LMCD1: variants seen among roughly 807,000 people sequenced by gnomAD.
LMCD1 encodes the protein LIM and cysteine-rich domains protein 1.
LMCD1 carries 32 observed loss-of-function variants against 42.7 expected under a neutral mutation model. That is an observed-to-expected ratio of 0.75 (90% confidence interval 0.57 to 1.01). LMCD1 has a LOEUF of 1.01. Ranked by LOEUF, LMCD1 falls within the 50% of genes least tolerant of loss-of-function variation. LMCD1 has a pLI of 0.00. For synonymous variants in LMCD1, 178 were observed against 184.9 expected, an observed-to-expected ratio of 0.96 and a Z score of 0.30; for missense variants, 458 against 483.1, an observed-to-expected ratio of 0.95 and a Z score of 0.49.
In LMCD1 at chr3:8,569,980, CAAAAA is replaced by C; in HGVS notation, c.*2393_*2397del. On this transcript the variant is annotated 3_prime_UTR_variant, in exon 6 of 6. Transcript: ENST00000157600. ...GGGTGACAGAGTGAGACCCTGTTTC[CAAAAA>C]AAAAAAAAAAGGATAGGTTGCCTCT... 1 of 137,220 alleles carries C rather than the reference CAAAAA, an allele frequency of 7.3e-6. No individual in the cohort carries two copies. The highest frequency in any genetic ancestry group is 1.5e-5 in the Non-Finnish European group (1 of 65,920). 8.5% of individuals were successfully genotyped at this position (137,220 alleles called of 1,614,324 possible). A position where few individuals can be genotyped will look rare whatever the true frequency, so the allele number is the denominator to read the frequency against.
chr3:8,528,225 G>A (rs1694335998), intron 1 of LMCD1, among the ~76,000 whole-genome samples: 3 of 152,090 alleles, frequency 2.0e-5, no homozygotes, highest in Admixed American at 2.0e-4. Flanking sequence ...TAGGGGGCCG[G>A]GGGGACAGGA....
intron 1 of LMCD1, 75 bp downstream of exon 1, chr3:8,502,055 T>C: frequency 7.1e-7 from 1 of 1,405,290 alleles, no homozygotes; most frequent in South Asian, 1.2e-5. Flanking sequence ...TCGCGGAAAC[T>C]TCCCAAAAGG....
In LMCD1 at chr3:8,565,590, C is replaced by T. The variant is rs375979251; in HGVS notation, c.882C>T (p.Pro294=). 5.6e-6 allele frequency: 9 copies of T among 1,608,932 alleles called. No individual in the cohort carries two copies. The African/African-American group carries it at 1.1e-4, about 19-fold the overall frequency. Reference sequence around the variant, plus strand: ...TCTACTTCTGGAAGGATGGTGCACCCTGGTGCGGCCGCCATTACTGCGAGA... The same window carrying T: ...TCTACTTCTGGAAGGATGGTGCACCTTGGTGCGGCCGCCATTACTGCGAGA... ...DLIYFWKDGA[P]WCGRHYCESL... is the part of the protein sequence containing the mutation. Residue 294 remains proline, a synonymous_variant, in exon 5 of 6, where the codon CCC becomes CCT. Coordinates refer to ENST00000157600, the MANE Select transcript of LMCD1 (RefSeq NM_014583.4).
chr3:8,539,911 C>T (rs7642504), intron 3 of LMCD1, among the ~76,000 whole-genome samples: 65,885 of 142,790 alleles, frequency 0.46, 15,260 homozygotes, highest in African/African-American at 0.51. Context: ...GCCATGTTGG[C>T]GTGCTGCACC....
chr3:8,513,898 A>C (rs1014809864), intron 1 of LMCD1, among the ~76,000 whole-genome samples: 3 of 152,120 alleles, frequency 2.0e-5, no homozygotes, highest in African/African-American at 7.2e-5. Flanking sequence ...CAGAAAGAAA[A>C]TATTTGCAGT....
chr3:8,514,798 G>A, intron 1 of LMCD1: 1 of 355,498 alleles, frequency 2.8e-6, no homozygotes, highest in Non-Finnish European at 5.6e-6. Flanking sequence ...TCGAAAACAG[G>A]CAAAACTAAT....
intron 4 of LMCD1, chr3:8,550,423 GC>G: frequency 1.0e-6 from 1 of 984,500 alleles, no homozygotes; most frequent in Non-Finnish European, 1.2e-6. Flanking sequence ...GGAAATGCCA[GC>G]CCAAACAAAG....
intron 1 of LMCD1, among the ~76,000 whole-genome samples, chr3:8,512,461 T>C (rs887280454): frequency 1.3e-4 from 20 of 152,210 alleles, no homozygotes; most frequent in African/African-American, 4.8e-4. Flanking sequence ...AAATCCCAGA[T>C]GATTCCCTGG....
At chr3:8,502,368 A>AT (rs1693766220) in intron 1 of LMCD1, among the ~76,000 whole-genome samples, 10 of 89,710 alleles carry the variant, frequency 1.1e-4, no homozygotes, top group Admixed American at 3.9e-4. Context: ...TATATTATAT[A>AT]AAATATATAT....
chr3:8,562,594 G>A (rs1192775994), intron 4 of LMCD1, among the ~76,000 whole-genome samples: 1 of 152,132 alleles, frequency 6.6e-6, no homozygotes, highest in Non-Finnish European at 1.5e-5. Context: ...GAGGATTGCT[G>A]TGAGATAAAT....
chr3:8,549,087 C>T (rs373295688), intron 4 of LMCD1, among the ~76,000 whole-genome samples, 184 bp downstream of exon 4: 1 of 152,194 alleles, frequency 6.6e-6, no homozygotes, highest in African/African-American at 2.4e-5. Flanking sequence ...TGATACAATA[C>T]CACTGCCCTT....
chr3:8,526,437 G>A (rs1177409535), intron 1 of LMCD1, among the ~76,000 whole-genome samples: 3 of 152,136 alleles, frequency 2.0e-5, no homozygotes, highest in Admixed American at 2.0e-4. Flanking sequence ...GGCTTTTCTG[G>A]TTTTCATACT....
intron 1 of LMCD1, among the ~76,000 whole-genome samples, chr3:8,516,333 A>G (rs1694099868): frequency 6.6e-6 from 1 of 152,182 alleles, no homozygotes; most frequent in Non-Finnish European, 1.5e-5. Context: ...AATTTAGTGC[A>G]AACCTCTCAT....
In LMCD1 at chr3:8,548,550, C is replaced by T. The variant is rs1160997908; in HGVS notation, c.388-18C>T. ...CCCCATCCACATCATGTTGTCTCTTCCTCCTCCTCCTCCCTAGGGACTGCA... is the reference window on the plus strand; with the variant it reads ...CCCCATCCACATCATGTTGTCTCTTTCTCCTCCTCCTCCCTAGGGACTGCA... On this transcript the variant is annotated intron_variant, in intron 3 of 5. Coordinates refer to ENST00000157600, the MANE Select transcript of LMCD1 (RefSeq NM_014583.4). The T allele has an allele frequency of 6.5e-7, 1 of 1,532,644 alleles. No individual in the cohort carries two copies. 94.9% of individuals were successfully genotyped at this position (1,532,644 alleles called of 1,614,324 possible).
Position 8,548,899 on chromosome 3 carries a change from A to G in LMCD1, c.719A>G (p.Glu240Gly). ...CTCAGTGACCCGTCCAAAGAAGTGG[A>G]ATACGTAAGTTTCTCCCATGCTTCC... is the stretch of plus-strand genomic sequence containing the variant. ...GSLSDPSKEV[E>G]YVCELCKGAA... The change falls in exon 4 of 6, where the codon GAA becomes GGA. Residue 240 changes from glutamate to glycine, a missense_variant. Coordinates refer to ENST00000157600, the MANE Select transcript of LMCD1 (RefSeq NM_014583.4). The G allele has an allele frequency of 6.6e-7, 1 of 1,514,320 alleles. No homozygotes were observed. Among genetic ancestry groups the G allele is most frequent in the Non-Finnish European group, 8.9e-7 (1 of 1,127,936 alleles). 93.8% of individuals were successfully genotyped at this position (1,514,320 alleles called of 1,614,324 possible).
Position 8,501,845 on chromosome 3 carries a change from CG to C in LMCD1, c.-93del. ...TGCGCACAGAGCTCCCTCCCAGGCCCGCGAACTTGGCCATTCAGCCGCCGCT... is the reference window on the plus strand; with the variant it reads ...TGCGCACAGAGCTCCCTCCCAGGCCCCGAACTTGGCCATTCAGCCGCCGCT... On this transcript the variant is annotated 5_prime_UTR_variant, in exon 1 of 6. Transcript: ENST00000157600. 1 of 1,151,994 alleles carries C rather than the reference CG, an allele frequency of 8.7e-7. No individual in the cohort carries two copies. Among genetic ancestry groups the C allele is most frequent in the Non-Finnish European group, 1.2e-6 (1 of 801,658 alleles). The allele number at this position is 1,151,994 out of a possible 1,614,324, so 71.4% of individuals were successfully genotyped here. A position where few individuals can be genotyped will look rare whatever the true frequency, so the allele number is the denominator to read the frequency against.
At chr3:8,554,772 G>A (rs954054683) in intron 4 of LMCD1, among the ~76,000 whole-genome samples, 5 of 152,256 alleles carry the variant, frequency 3.3e-5, no homozygotes, top group African/African-American at 9.6e-5. Flanking sequence ...TAGAGAGCTC[G>A]CTGAATATTT....
At chr3:8,517,833 T>G (rs560290106) in intron 1 of LMCD1, among the ~76,000 whole-genome samples, 1 of 152,336 alleles carries the variant, frequency 6.6e-6, no homozygotes, top group East Asian at 1.9e-4. Context: ...AGAGATAATT[T>G]TTTTCAAGAA....
Position 8,567,832 on chromosome 3 carries a change from G to C in LMCD1, c.*234G>C. On this transcript the variant is annotated 3_prime_UTR_variant, in exon 6 of 6. Coordinates refer to ENST00000157600, the MANE Select transcript of LMCD1 (RefSeq NM_014583.4). ...CCAAAAATATTCTAAGAAGTCTTAG[G>C]ATGGAGTTCCTTTTCTTTCTGTTGT... 1 of 328,852 alleles carries C rather than the reference G, an allele frequency of 3.0e-6. No individual in the cohort carries two copies. Among genetic ancestry groups the C allele is most frequent in the Non-Finnish European group, 5.4e-6 (1 of 183,776 alleles). The allele number at this position is 328,852 out of a possible 1,614,324, so 20.4% of individuals were successfully genotyped here. A position where few individuals can be genotyped will look rare whatever the true frequency, so the allele number is the denominator to read the frequency against.
Sources: allele counts gnomAD v4.1 joint callset (sites outside exome capture counted in the v4.1 genomes callset), GRCh38; gene constraint gnomAD v4.1.1; transcripts MANE v1.5; gene names NCBI Gene and HGNC (gene_info 2026-07-23, HGNC 2026-07-21).